Variants in LMF1 observed in about 807,000 individuals in gnomAD.
The protein encoded by LMF1 is transmembrane protein 112.
Under a neutral mutation model 60.6 loss-of-function variants are expected in LMF1, and 68 were observed. That is an observed-to-expected ratio of 1.12 (90% CI 0.92 to 1.37). The LOEUF (loss-of-function observed/expected upper bound fraction) is 1.37. Ranked by LOEUF, LMF1 falls within the 40% of genes most tolerant of loss-of-function variation. The probability of loss-of-function intolerance (pLI) is 0.00; values close to 1 mark genes in which losing one functional copy is unlikely to be tolerated. For synonymous variants in LMF1, 418 were observed against 324.7 expected (o/e 1.29, Z -3.09); for missense variants, 948 against 767.2 (o/e 1.24, Z -2.78).
intron 4 of LMF1, among the ~76,000 whole-genome samples, chr16:904,504 G>A (rs1400868342): frequency 1.3e-5 from 1 of 74,454 alleles, no homozygotes; most frequent in Non-Finnish European, 2.3e-5. Context: ...CAGGACGCCT[G>A]TCTCTGCTGC....
intron 6 of LMF1, chr16:872,117 C>T (rs1182207131): frequency 2.6e-5 from 4 of 152,232 alleles, no homozygotes; most frequent in African/African-American, 7.2e-5. Flanking sequence ...TGCCAGACCT[C>T]ACCCCTGCCG....
At chr16:871,431 GA>G in intron 6 of LMF1, 90 bp from the exon 7 acceptor site, 1 of 1,267,230 alleles carries the variant, frequency 7.9e-7, no homozygotes, top group Non-Finnish European at 1.1e-6. Context: ...AGGGAGGGGG[GA>G]GGGAACCTGC....
intron 3 of LMF1, among the ~76,000 whole-genome samples, chr16:920,164 G>A (rs959894958): frequency 6.6e-6 from 1 of 151,202 alleles, no homozygotes; most frequent in Non-Finnish European, 1.5e-5. Context: ...ACTGGCCCTA[G>A]TCCGTCGTCC....
intron 3 of LMF1, among the ~76,000 whole-genome samples, chr16:927,133 C>T (rs1336506429): frequency 2.6e-5 from 4 of 152,200 alleles, no homozygotes; most frequent in East Asian, 3.9e-4. Context: ...AACCAAGGGC[C>T]GCTCATGGTG....
At chr16:974,663 C>A (rs1033549545), upstream of LMF1, among the ~76,000 whole-genome samples, 1 of 152,208 alleles carries the variant, frequency 6.6e-6, no homozygotes, top group Non-Finnish European at 1.5e-5. Context: ...CCCCCAGGAC[C>A]CAGGCACACA....
intron 4 of LMF1, 116 bp downstream of exon 4, chr16:910,815 C>A (rs1203068373): frequency 7.4e-7 from 1 of 1,350,326 alleles, no homozygotes; most frequent in Non-Finnish European, 1.0e-6. Context: ...GCCAGGCCGA[C>A]AGGAGGACAG....
rs764026439 is a variant in LMF1, at chr16:976,630, G to A, written c.-135+4515C>T. On this transcript the variant is annotated intron_variant, in intron 1 of 6. Transcript: ENST00000570014. ...GACGAGAAGTGCAGAGAGCAAATGC[G>A]TGCTGTTGGCGCCCCCCACCCCCAC... 21 of 453,970 alleles carry A rather than the reference G, an allele frequency of 4.6e-5. 1 individual carries two copies. Among genetic ancestry groups the A allele is most frequent in the South Asian group, 2.3e-4 (15 of 64,476 alleles). 28.1% of individuals were successfully genotyped at this position (453,970 alleles called of 1,614,324 possible).
chr16:945,117 G>T (rs1298099514), intron 2 of LMF1, among the ~76,000 whole-genome samples: 1 of 147,978 alleles, frequency 6.8e-6, no homozygotes, highest in African/African-American at 2.5e-5. Context: ...AGGCTAAGGT[G>T]GGAGAATCGC....
At chr16:949,485 C>CA (rs2072373491) in intron 2 of LMF1, among the ~76,000 whole-genome samples, 1 of 144,586 alleles carries the variant, frequency 6.9e-6, no homozygotes, top group South Asian at 2.2e-4. Context: ...ACGACAGAGT[C>CA]AGAGACAACG....
intron 1 of LMF1, among the ~76,000 whole-genome samples, chr16:977,460 G>A (rs1247973644): frequency 6.6e-6 from 1 of 152,194 alleles, no homozygotes; most frequent in Non-Finnish European, 1.5e-5. Context: ...GTCTCTGCCA[G>A]ACCAGCCGTC....
rs2070058108 is a variant in LMF1, at chr16:878,440, C to CGG, written c.897+1129_897+1130insCC. The stretch of plus-strand genomic sequence containing the variant: ...AAGAACAGCACAGCCACCCTGGACA[C>CGG]GTGCAGCTTCCAGTAAGGTGAATCA... On this transcript the variant is annotated intron_variant, in intron 6 of 10. Transcript: ENST00000262301. This position sits in a 1 kb window ranked among gnomAD's most constrained non-coding sequence, Gnocchi z 5.2. Among the ~76,000 whole-genome samples the CGG allele has an allele frequency of 5.9e-5, 9 of 152,252 alleles. 1 individual carries two copies. In the South Asian group the frequency reaches 1.7e-3, roughly 28 times the overall value.
chr16:932,054 C>G (rs943879562), intron 3 of LMF1, among the ~76,000 whole-genome samples: 1 of 152,228 alleles, frequency 6.6e-6, no homozygotes, highest in Non-Finnish European at 1.5e-5. Flanking sequence ...ATGCAGACCC[C>G]GTTGCTTTTG....
At chr16:877,440 C>T (rs1302700236) in intron 6 of LMF1, among the ~76,000 whole-genome samples, 2 of 152,004 alleles carry the variant, frequency 1.3e-5, no homozygotes, top group South Asian at 4.2e-4. Flanking sequence ...GGGACGGTCA[C>T]CTCTGCTTTC....
chr16:946,659 C>T (rs2072245307), intron 2 of LMF1, among the ~76,000 whole-genome samples: 2 of 152,310 alleles, frequency 1.3e-5, no homozygotes, highest in South Asian at 2.1e-4. Flanking sequence ...GTATGCTGTT[C>T]GGAAGGTGGG....
At chr16:979,161 C>A (rs558088169) in intron 1 of LMF1, 8 of 441,786 alleles carry the variant, frequency 1.8e-5, no homozygotes, top group South Asian at 1.1e-4. Flanking sequence ...CAAGCCATCC[C>A]GACACCTCCC....
At chr16:981,247 C>T (rs1567353687) in exon 1 of LMF1, 3 of 452,960 alleles carry the variant, frequency 6.6e-6, no homozygotes, top group Admixed American at 4.7e-5. Flanking sequence ...CCCCGCGCCA[C>T]CGGCCTGCGG....
chr16:878,410 G>A lies in LMF1; in HGVS notation c.897+1160C>T, dbSNP rs866278061. Among the ~76,000 whole-genome samples the A allele has an allele frequency of 2.6e-5, 4 of 152,146 alleles. No individual in the cohort carries two copies. Among genetic ancestry groups the A allele is most frequent in the South Asian group, 4.1e-4 (2 of 4,824 alleles). Reference sequence around the variant, plus strand: ...GAGTGAGGGTCCTTGCTGGGGGGAGGGGTCAAGAACAGCACAGCCACCCTG... The same window carrying A: ...GAGTGAGGGTCCTTGCTGGGGGGAGAGGTCAAGAACAGCACAGCCACCCTG... On this transcript the variant is annotated intron_variant, in intron 6 of 10. Coordinates refer to ENST00000262301, the MANE Select transcript of LMF1 (RefSeq NM_022773.4). The surrounding 1 kb of genome is among the most constrained non-coding windows in gnomAD (Gnocchi z 5.2).
chr16:934,176 G>A lies in LMF1; in HGVS notation c.514+68C>T, dbSNP rs751299625. 8.8e-6 allele frequency: 14 copies of A among 1,598,560 alleles called. No homozygotes were observed. In the East Asian group the frequency reaches 1.1e-4, roughly 13 times the overall value. On this transcript the variant is annotated intron_variant, in intron 3 of 10. Coordinates refer to ENST00000262301, the MANE Select transcript of LMF1 (RefSeq NM_022773.4). ...GAAGGGGAGAGGCCAGGAAAAGTGC[G>A]TGAAGATACATACCAAACACACAAC...
intron 1 of LMF1, among the ~76,000 whole-genome samples, chr16:977,321 A>G (rs2073176417): frequency 6.6e-6 from 1 of 152,158 alleles, no homozygotes; most frequent in Non-Finnish European, 1.5e-5. Context: ...GTGGCCAAGA[A>G]GCTGACTCCC....
Sources: allele counts gnomAD v4.1 joint callset (sites outside exome capture counted in the v4.1 genomes callset), GRCh38; gene constraint gnomAD v4.1.1; non-coding constraint Gnocchi (gnomAD v3.1); transcripts MANE v1.5; gene names NCBI Gene and HGNC (gene_info 2026-07-23, HGNC 2026-07-21).